TRIM2: variants seen among roughly 807,000 people sequenced by gnomAD.
The protein encoded by TRIM2 is tripartite motif containing 2.
A neutral mutation model predicts 75.2 loss-of-function variants in TRIM2; 20 were observed. The observed-to-expected ratio is 0.27, with a 90% CI of 0.19 to 0.39. TRIM2 has a LOEUF of 0.39. TRIM2 is among the 10% of genes least tolerant of loss of function. The pLI is 1.00. For synonymous variants in TRIM2, 373 were observed against 388.3 expected, an observed-to-expected ratio of 0.96 and a Z score of 0.46; for missense variants, 660 against 990.8, an observed-to-expected ratio of 0.67 and a Z score of 4.48.
chr4:153,213,324 G>A (rs988987315), intron 1 of TRIM2, among the ~76,000 whole-genome samples: 7 of 152,150 alleles, frequency 4.6e-5, no homozygotes, highest in Non-Finnish European at 1.0e-4. Flanking sequence ...GCAAAAATAT[G>A]TCTTCATGCT....
chr4:153,201,500 G>T (rs1324890130), upstream of TRIM2, among the ~76,000 whole-genome samples: 1 of 152,134 alleles, frequency 6.6e-6, no homozygotes, highest in South Asian at 2.1e-4. Flanking sequence ...TCTATAGGTT[G>T]TCTTTTCACT....
At chr4:153,156,473 C>T (rs530537389) in intron 1 of TRIM2, among the ~76,000 whole-genome samples, 2 of 152,140 alleles carry the variant, frequency 1.3e-5, no homozygotes, top group Admixed American at 1.3e-4. Flanking sequence ...CCACCTCCCC[C>T]ACATCCGCCA....
intron 3 of TRIM2, among the ~76,000 whole-genome samples, chr4:153,290,108 T>C (rs1258438600): frequency 6.6e-6 from 1 of 152,194 alleles, no homozygotes; most frequent in Non-Finnish European, 1.5e-5. Flanking sequence ...CATGAAGTAA[T>C]AAAGAAGCTC....
intron 1 of TRIM2, among the ~76,000 whole-genome samples, chr4:153,229,507 C>T (rs1290798991): frequency 6.6e-6 from 1 of 152,202 alleles, no homozygotes; most frequent in Non-Finnish European, 1.5e-5. Context: ...ATCCACCTGC[C>T]TCGGCCTCCC....
intron 6 of TRIM2, among the ~76,000 whole-genome samples, chr4:153,313,767 G>T (rs1766905418): frequency 6.6e-6 from 1 of 150,740 alleles, no homozygotes; most frequent in Admixed American, 6.6e-5. Flanking sequence ...CTACCGAGTA[G>T]CTGGGATTAC....
At chr4:153,210,558 G>A (rs1736707678) in intron 1 of TRIM2, among the ~76,000 whole-genome samples, 1 of 152,184 alleles carries the variant, frequency 6.6e-6, no homozygotes, top group African/African-American at 2.4e-5. Context: ...TCACTGACAT[G>A]CAGGTTATTC....
intron 1 of TRIM2, among the ~76,000 whole-genome samples, chr4:153,159,474 T>A (rs186943424): frequency 1.7e-4 from 26 of 151,978 alleles, no homozygotes; most frequent in South Asian, 8.3e-4. Flanking sequence ...CTAATTTTTT[T>A]AAATTATTTT....
intron 1 of TRIM2, among the ~76,000 whole-genome samples, chr4:153,244,179 TCTCCTC>T (rs1225905878): frequency 1.4e-3 from 199 of 138,290 alleles, no homozygotes; most frequent in Middle Eastern, 3.9e-3. Flanking sequence ...TTCTTCTTCT[TCTCCTC>T]CTTCTTCTTC....
chr4:153,326,057 C>T (rs17369593), intron 10 of TRIM2, among the ~76,000 whole-genome samples: 30,724 of 152,072 alleles, frequency 0.2, 3,417 homozygotes, highest in African/African-American at 0.29. Context: ...TGGTATTTGA[C>T]ATGAGCAGAA....
intron 1 of TRIM2, among the ~76,000 whole-genome samples, chr4:153,269,385 A>C (rs1756073090): frequency 1.3e-5 from 2 of 152,200 alleles, no homozygotes; most frequent in Admixed American, 1.3e-4. Context: ...TCAGTGTTTA[A>C]GAGACTTCTC....
At chr4:153,177,710 C>CTTCCTTCCTTCCTTCCTTCA (rs2149628337) in intron 1 of TRIM2, among the ~76,000 whole-genome samples, 1 of 127,006 alleles carries the variant, frequency 7.9e-6, no homozygotes, top group African/African-American at 3.3e-5. Context: ...TGGCTCGCTC[C>CTTCCTTCCTTCCTTCCTTCA]TTCCTTCCTT....
intron 1 of TRIM2, among the ~76,000 whole-genome samples, chr4:153,218,135 T>G (rs1738987815): frequency 6.6e-6 from 1 of 152,224 alleles, no homozygotes. Flanking sequence ...GTAATATAAT[T>G]TATTCACCTA....
intron 1 of TRIM2, chr4:153,257,532 G>A: frequency 7.8e-7 from 1 of 1,289,042 alleles, no homozygotes. Context: ...CTCTTCCTCT[G>A]TTCTGTGCAT....
At chr4:153,172,111 CAT>C (rs34096493) in intron 1 of TRIM2, among the ~76,000 whole-genome samples, 19,538 of 150,298 alleles carry the variant, frequency 0.13, 1,641 homozygotes, top group Non-Finnish European at 0.19. Context: ...TATTTTCTCT[CAT>C]AGTTTCACCT....
intron 1 of TRIM2, among the ~76,000 whole-genome samples, chr4:153,222,003 GAAAGA>G (rs1740526945): frequency 9.3e-6 from 1 of 107,678 alleles, no homozygotes; most frequent in African/African-American, 3.6e-5. Flanking sequence ...AGGAAGGAAG[GAAAGA>G]AGGAAGGAAA....
rs190674210 is a variant in TRIM2 at position 153,265,474 on chromosome 4, G to A, written c.31-4861G>A. ...TTCTCCTGCCTCAGCCACCGGAGTA[G>A]CTGGGGCTACAGGCGCCTGCCGCCA... is the stretch of plus-strand genomic sequence containing the variant. On this transcript the variant is annotated intron_variant, in intron 1 of 11. Transcript: ENST00000338700. Among the ~76,000 whole-genome samples the A allele has an allele frequency of 7.2e-5, 11 of 152,072 alleles. No homozygotes were observed. The East Asian group carries it at 1.5e-3, about 21-fold the overall frequency.
intron 1 of TRIM2, among the ~76,000 whole-genome samples, chr4:153,249,671 G>A (rs945102577): frequency 2.6e-5 from 4 of 152,120 alleles, no homozygotes; most frequent in Admixed American, 1.3e-4. Context: ...CAGCTCAGTC[G>A]CCCACGGAGA....
At chr4:153,301,490 T>C (rs1353390356) in intron 6 of TRIM2, among the ~76,000 whole-genome samples, 2 of 152,262 alleles carry the variant, frequency 1.3e-5, no homozygotes, top group Non-Finnish European at 2.9e-5. Context: ...GCTTTTTAGT[T>C]TGATGTAATT....
chr4:153,175,998 C>T (rs1406228661), intron 1 of TRIM2, among the ~76,000 whole-genome samples: 4 of 151,268 alleles, frequency 2.6e-5, no homozygotes, highest in Non-Finnish European at 4.4e-5. Flanking sequence ...GCACCCTGAT[C>T]GTGCGTGTGA....
Sources: allele counts gnomAD v4.1 joint callset (sites outside exome capture counted in the v4.1 genomes callset), GRCh38; gene constraint gnomAD v4.1.1; transcripts MANE v1.5; gene names NCBI Gene and HGNC (gene_info 2026-07-23, HGNC 2026-07-21).